Variants in NBAS observed in about 807,000 individuals in gnomAD.
NBAS encodes NBAS subunit of NRZ tethering complex.
A neutral mutation model predicts 302.5 loss-of-function variants in NBAS; 219 were observed. The observed-to-expected ratio is 0.72, with a 90% confidence interval of 0.65 to 0.81. The LOEUF is 0.81. Among genes scored for constraint, NBAS ranks in the 30% least tolerant of loss-of-function variants. The probability of loss-of-function intolerance (pLI) is 0.00; values close to 1 mark genes in which losing one functional copy is unlikely to be tolerated. For missense variants in NBAS, 2,932 were observed against 2,841.6 expected (o/e 1.03, Z -0.72); for synonymous variants, 1,118 against 1,021.6 (o/e 1.09, Z -1.80).
At chr2:15,231,597 A>G (rs1381814453) in intron 47 of NBAS, among the ~76,000 whole-genome samples, 1 of 152,218 alleles carries the variant, frequency 6.6e-6, no homozygotes, top group Non-Finnish European at 1.5e-5. Flanking sequence ...AGATCAATGG[A>G]AAGTCTTACA....
chr2:14,832,798 T>C, the NBAS span, among the ~76,000 whole-genome samples: 75 of 152,316 alleles, frequency 4.9e-4, no homozygotes, highest in African/African-American at 1.8e-3. Context: ...ACTTTGTTGT[T>C]TGGAGCTGTT....
the NBAS span, among the ~76,000 whole-genome samples, chr2:14,956,837 G>A: frequency 1.1e-4 from 16 of 152,266 alleles, no homozygotes; most frequent in African/African-American, 3.9e-4. Flanking sequence ...AGAGATTTGG[G>A]TGGGGACACA....
At chr2:14,808,818 G>A in the NBAS span, among the ~76,000 whole-genome samples, 1 of 152,238 alleles carries the variant, frequency 6.6e-6, no homozygotes, top group Non-Finnish European at 1.5e-5. Flanking sequence ...ACTCCCTAGA[G>A]TTTTGTTGAG....
At chr2:14,888,623 A>C in the NBAS span, among the ~76,000 whole-genome samples, 5,784 of 152,270 alleles carry the variant, frequency 0.038, 140 homozygotes, top group Non-Finnish European at 0.051. Context: ...TAAATGTGTT[A>C]ACTATAATTT....
At chr2:15,367,598 T>G (rs1203844153) in intron 31 of NBAS, among the ~76,000 whole-genome samples, 5 of 152,320 alleles carry the variant, frequency 3.3e-5, no homozygotes, top group Non-Finnish European at 7.4e-5. Context: ...ACTGAAAAAG[T>G]GATGGGACCA....
intron 32 of NBAS, among the ~76,000 whole-genome samples, chr2:15,365,308 T>C (rs754360915): frequency 4.6e-5 from 7 of 152,214 alleles, no homozygotes; most frequent in Non-Finnish European, 8.8e-5. Context: ...AAAATGCAGA[T>C]GGCACCTCTG....
intron 43 of NBAS, 100 bp downstream of exon 43, chr2:15,276,751 A>G (rs1669599322): frequency 6.4e-6 from 10 of 1,566,482 alleles, no homozygotes; most frequent in Non-Finnish European, 8.8e-6. Flanking sequence ...GTGGTTTCAG[A>G]GCTCTGCAAC....
chr2:15,009,637 C>CATAT, the NBAS span, among the ~76,000 whole-genome samples: 15 of 138,708 alleles, frequency 1.1e-4, no homozygotes, highest in East Asian at 2.0e-4. Context: ...CACACACACA[C>CATAT]ATATACACAT....
intron 27 of NBAS, 118 bp downstream of exon 27, chr2:15,396,291 ACAAT>A: frequency 2.7e-6 from 2 of 733,204 alleles, no homozygotes; most frequent in Non-Finnish European, 4.5e-6. Flanking sequence ...CACTCCCAAG[ACAAT>A]CAAACAAAAA....
the NBAS span, among the ~76,000 whole-genome samples, chr2:15,088,563 T>C: frequency 3.3e-5 from 5 of 152,266 alleles, no homozygotes; most frequent in African/African-American, 1.2e-4. Context: ...GAGCATGGCT[T>C]ATTGATTCAC....
chr2:15,398,594 A>G (rs1013832442), intron 26 of NBAS, among the ~76,000 whole-genome samples: 20 of 130,680 alleles, frequency 1.5e-4, no homozygotes, highest in Non-Finnish European at 1.5e-4. Flanking sequence ...AAGATGCACA[A>G]AAATTTAATT....
the NBAS span, among the ~76,000 whole-genome samples, chr2:15,050,775 T>C: frequency 6.6e-6 from 1 of 152,176 alleles, no homozygotes; most frequent in African/African-American, 2.4e-5. Flanking sequence ...TTTCCACCTC[T>C]AATCTGCACG....
chr2:15,025,585 T>G, the NBAS span, among the ~76,000 whole-genome samples: 50,413 of 152,006 alleles, frequency 0.33, 9,883 homozygotes, highest in East Asian at 0.56. Context: ...TTGATTCTTC[T>G]TATCCATGAG....
Position 15,488,890 on chromosome 2 carries a change from G to T in NBAS, c.1083+4C>A, listed in dbSNP as rs112852390. ...AGTATCATTCTAATAACCAAGAGAC[G>T]CACCTGCTCATTTTGACCCCATTCC... On this transcript the variant is annotated splice_donor_region_variant and intron_variant, in intron 12 of 51. Transcript: ENST00000281513. 20 of 1,613,204 alleles carry T rather than the reference G, an allele frequency of 1.2e-5. No individual in the cohort carries two copies. The highest frequency in any genetic ancestry group is 8.8e-5 in the South Asian group (8 of 91,056).
chr2:15,313,148 C>G (rs1671352878), intron 38 of NBAS, among the ~76,000 whole-genome samples: 1 of 152,172 alleles, frequency 6.6e-6, no homozygotes, highest in Admixed American at 6.6e-5. Flanking sequence ...TATGGGCCAA[C>G]TTTAATTTGT....
At chr2:15,405,274 A>C (rs1676354853) in intron 25 of NBAS, among the ~76,000 whole-genome samples, 1 of 152,210 alleles carries the variant, frequency 6.6e-6, no homozygotes, top group Non-Finnish European at 1.5e-5. Context: ...CTCTCTCTGT[A>C]TTCCTATGGC....
At chr2:15,086,019 G>C in the NBAS span, among the ~76,000 whole-genome samples, 1 of 152,120 alleles carries the variant, frequency 6.6e-6, no homozygotes, top group East Asian at 1.9e-4. Flanking sequence ...GGTCCCCAGT[G>C]AGGCCCCACC....
chr2:14,817,821 T>A, the NBAS span, among the ~76,000 whole-genome samples: 3 of 152,102 alleles, frequency 2.0e-5, no homozygotes, highest in East Asian at 3.9e-4. Context: ...ACAAGAAAAC[T>A]AAAAGTAAGA....
intron 48 of NBAS, 52 bp downstream of exon 48, chr2:15,218,721 T>C (rs914534797): frequency 2.5e-6 from 4 of 1,612,342 alleles, no homozygotes; most frequent in Non-Finnish European, 3.4e-6. Context: ...AGCAACCGCG[T>C]CCGGCCTAAT....
Sources: allele counts gnomAD v4.1 joint callset (sites outside exome capture counted in the v4.1 genomes callset), GRCh38; gene constraint gnomAD v4.1.1; transcripts MANE v1.5; gene names NCBI Gene and HGNC (gene_info 2026-07-23, HGNC 2026-07-21).